ZDHHC23: variants seen among roughly 807,000 people sequenced by gnomAD.
ZDHHC23 encodes the protein palmitoyltransferase ZDHHC23.
In ZDHHC23, 41 loss-of-function variants were observed where a neutral mutation model predicts 40.2. The ratio of observed to expected loss-of-function variants is 1.02; its 90% confidence interval spans 0.79 to 1.32. The LOEUF (loss-of-function observed/expected upper bound fraction) is 1.32, where lower values mean the gene tolerates loss of function less well. Ranked by LOEUF, ZDHHC23 falls within the 40% of genes most tolerant of loss-of-function variation. The pLI is 0.00. For missense variants in ZDHHC23, 471 were observed against 541.5 expected (o/e 0.87, Z 1.29); for synonymous variants, 204 against 210.2 (o/e 0.97, Z 0.26).
chr3:113,950,738 T>C (rs111536517), intron 2 of ZDHHC23, among the ~76,000 whole-genome samples: 4,689 of 152,252 alleles, frequency 0.031, 247 homozygotes, highest in African/African-American at 0.11. Context: ...GGTCTGAATA[T>C]CATCATCCAA....
chr3:113,962,220 C>G lies in ZDHHC23; in HGVS notation c.*3590C>G, dbSNP rs548540550. The stretch of plus-strand genomic sequence containing the variant: ...GCCATCCTAAACTCACTACTGAGTA[C>G]GATTCAGTATGTTCCTGTGGATGTC... On this transcript the variant is annotated 3_prime_UTR_variant, in exon 5 of 5. Transcript: ENST00000638807. The G allele has an allele frequency of 4.4e-4, 67 of 152,306 alleles. No individual in the cohort carries two copies. The highest frequency in any genetic ancestry group is 1.2e-3 in the African/African-American group (51 of 41,558). The allele number at this position is 152,306 out of a possible 1,614,324, so 9.4% of individuals were successfully genotyped here. A position where few individuals can be genotyped will look rare whatever the true frequency, so the allele number is the denominator to read the frequency against.
At chr3:113,976,094 AC>A in the ZDHHC23 span, among the ~76,000 whole-genome samples, 33,214 of 151,812 alleles carry the variant, frequency 0.22, 4,342 homozygotes, top group Middle Eastern at 0.37. Context: ...CGCTGTCTCT[AC>A]TAAAAATACA....
the ZDHHC23 span, among the ~76,000 whole-genome samples, chr3:113,976,650 A>G: frequency 6.6e-6 from 1 of 152,162 alleles, no homozygotes; most frequent in Non-Finnish European, 1.5e-5. Context: ...TAAAAAAAAA[A>G]AAAAGGTTAG....
the ZDHHC23 span, among the ~76,000 whole-genome samples, chr3:113,971,646 T>C: frequency 6.6e-6 from 1 of 152,194 alleles, no homozygotes; most frequent in Non-Finnish European, 1.5e-5. Context: ...TTTCTTATCA[T>C]GTCCTTGTTT....
chr3:113,971,796 C>G, the ZDHHC23 span, among the ~76,000 whole-genome samples: 1 of 151,886 alleles, frequency 6.6e-6, no homozygotes, highest in East Asian at 1.9e-4. Flanking sequence ...CAGTTTGAAG[C>G]CATTAGGACC....
At position 113,958,920 on chromosome 3, in the gene ZDHHC23, CAATTCCCATCCATTAGTATGG is replaced by C; in HGVS notation, c.*292_*312del. Reference sequence around the variant, plus strand: ...TTGCTAATGCACAAATTGATAGAAGCAATTCCCATCCATTAGTATGGAGGAAAGAGTGTTGGATTAGGATAG... The same window carrying C: ...TTGCTAATGCACAAATTGATAGAAGCAGGAAAGAGTGTTGGATTAGGATAG... On this transcript the variant is annotated 3_prime_UTR_variant, in exon 5 of 5. Coordinates refer to ENST00000638807, the MANE Select transcript of ZDHHC23 (RefSeq NM_001320466.2). The C allele has an allele frequency of 8.1e-7, 1 of 1,238,516 alleles. No homozygotes were observed. Among genetic ancestry groups the C allele is most frequent in the Non-Finnish European group, 1.0e-6 (1 of 969,414 alleles). The allele number at this position is 1,238,516 out of a possible 1,614,324, so 76.7% of individuals were successfully genotyped here.
chr3:113,978,763 A>T, the ZDHHC23 span: 1 of 1,350,692 alleles, frequency 7.4e-7, no homozygotes, highest in East Asian at 2.3e-5. Context: ...TCTTGAAAAA[A>T]CATAATGACC....
At chr3:113,949,265 A>G (rs1559838963) in intron 2 of ZDHHC23, among the ~76,000 whole-genome samples, 1 of 152,256 alleles carries the variant, frequency 6.6e-6, no homozygotes, top group Non-Finnish European at 1.5e-5. Flanking sequence ...AATGCAAGCC[A>G]GCAGAATCTG....
chr3:113,961,995 G>T lies in ZDHHC23; in HGVS notation c.*3365G>T, dbSNP rs932053690. 6.6e-6 allele frequency: 1 copy of T among 152,564 alleles called. No homozygotes were observed. The highest frequency in any genetic ancestry group is 1.5e-5 in the Non-Finnish European group (1 of 68,012). The allele number at this position is 152,564 out of a possible 1,614,324, so 9.5% of individuals were successfully genotyped here. ...AGACTTAAGGGTCTTTTTAACCTAG[G>T]TAAGTTTATATGACCTAACTTAATT... On this transcript the variant is annotated 3_prime_UTR_variant, in exon 5 of 5. Coordinates refer to ENST00000638807, the MANE Select transcript of ZDHHC23 (RefSeq NM_001320466.2).
the ZDHHC23 span, among the ~76,000 whole-genome samples, chr3:113,976,992 C>T: frequency 6.6e-6 from 1 of 152,160 alleles, no homozygotes; most frequent in Non-Finnish European, 1.5e-5. Flanking sequence ...TAAACAAGGA[C>T]AAACAGGTTT....
chr3:113,967,656 C>T (rs995553187), downstream of ZDHHC23, among the ~76,000 whole-genome samples: 1 of 152,104 alleles, frequency 6.6e-6, no homozygotes, highest in African/African-American at 2.4e-5. Flanking sequence ...AAGTTATTCT[C>T]TTCTGGTTAT....
rs2107522566 is a variant in ZDHHC23, at chr3:113,961,181, G to A, written c.*2551G>A. 6.3e-6 allele frequency: 1 copy of A among 159,330 alleles called. No homozygotes were observed. The highest frequency in any genetic ancestry group is 3.0e-3 in the Middle Eastern group (1 of 332). 9.9% of individuals were successfully genotyped at this position (159,330 alleles called of 1,614,324 possible). The stretch of plus-strand genomic sequence containing the variant: ...TGAACCTATAAATCAGCAGTCTCTT[G>A]GGCAGAGGAGCAAGCCCCTCGAACA... On this transcript the variant is annotated 3_prime_UTR_variant, in exon 5 of 5. Coordinates refer to ENST00000638807, the MANE Select transcript of ZDHHC23 (RefSeq NM_001320466.2).
At chr3:113,970,263 G>A (rs1279105248), downstream of ZDHHC23, among the ~76,000 whole-genome samples, 2 of 152,082 alleles carry the variant, frequency 1.3e-5, no homozygotes, top group Non-Finnish European at 2.9e-5. Flanking sequence ...GGAGTCTTTA[G>A]GTTTTTCTAA....
At chr3:113,972,910 A>G in the ZDHHC23 span, among the ~76,000 whole-genome samples, 6 of 151,986 alleles carry the variant, frequency 3.9e-5, no homozygotes, top group African/African-American at 1.4e-4. Context: ...CTTGCTTGGA[A>G]TGTCTTTTTC....
chr3:113,957,052 T>A (rs1939295581), intron 4 of ZDHHC23, among the ~76,000 whole-genome samples: 2 of 152,246 alleles, frequency 1.3e-5, no homozygotes, highest in African/African-American at 4.8e-5. Context: ...TGATGATTAC[T>A]GTGATATGTA....
intron 4 of ZDHHC23, 60 bp from the exon 5 acceptor site, chr3:113,958,303 A>G (rs1939425468): frequency 1.4e-6 from 2 of 1,461,420 alleles, no homozygotes; most frequent in Non-Finnish European, 1.9e-6. Flanking sequence ...CGTGAGAATG[A>G]TGACAGTTTT....
chr3:113,951,442 C>T (rs1938650814), intron 2 of ZDHHC23, among the ~76,000 whole-genome samples: 1 of 152,228 alleles, frequency 6.6e-6, no homozygotes, highest in African/African-American at 2.4e-5. Context: ...CACCTATGCC[C>T]TTCAGAGGGG....
At chr3:113,950,675 C>T (rs1306115439) in intron 2 of ZDHHC23, among the ~76,000 whole-genome samples, 1 of 152,128 alleles carries the variant, frequency 6.6e-6, no homozygotes, top group African/African-American at 2.4e-5. Context: ...CCTAATAGCC[C>T]CAAAAGTCTT....
In ZDHHC23 at chr3:113,960,917, G is replaced by A; in HGVS notation, c.*2287G>A. The A allele has an allele frequency of 4.6e-6, 4 of 864,906 alleles. No homozygotes were observed. Among genetic ancestry groups the A allele is most frequent in the South Asian group, 2.2e-5 (1 of 44,866 alleles). The allele number at this position is 864,906 out of a possible 1,614,324, so 53.6% of individuals were successfully genotyped here. A position where few individuals can be genotyped will look rare whatever the true frequency, so the allele number is the denominator to read the frequency against. ...GCCTTCCCAGGCGTCTGTACCGAAAGGAGCAGCAAACAAGGGGCTAATCCA... is the reference window on the plus strand; with the variant it reads ...GCCTTCCCAGGCGTCTGTACCGAAAAGAGCAGCAAACAAGGGGCTAATCCA... On this transcript the variant is annotated 3_prime_UTR_variant, in exon 5 of 5. Transcript: ENST00000638807.
Sources: allele counts gnomAD v4.1 joint callset (sites outside exome capture counted in the v4.1 genomes callset), GRCh38; gene constraint gnomAD v4.1.1; transcripts MANE v1.5; gene names NCBI Gene and HGNC (gene_info 2026-07-23, HGNC 2026-07-21).